Variants in GK observed in about 807,000 individuals in gnomAD.
GK encodes the protein glycerol kinase, also known as ATP:glycerol 3-phosphotransferase.
In GK, 9 loss-of-function variants were observed where a neutral mutation model predicts 56.4. The observed-to-expected ratio is 0.16, with a 90% CI of 0.10 to 0.28. The LOEUF (loss-of-function observed/expected upper bound fraction) is 0.28, where lower values mean the gene tolerates loss of function less well. Among genes scored for constraint, GK ranks in the 10% least tolerant of loss-of-function variants. The pLI is 1.00. For synonymous variants in GK, 104 were observed against 144.1 expected (o/e 0.72, Z 1.99); for missense variants, 161 against 431.4 (o/e 0.37, Z 5.55).
chrX:30,699,989 G>A (rs897147510), intron 9 of GK: 2 of 120,274 alleles, frequency 1.7e-5, no homozygotes, highest in African/African-American at 6.4e-5. Flanking sequence ...TTTCATACTG[G>A]TTTGATAGCT....
rs188715853 is a variant in GK at position 30,722,093 on chromosome X, G to A, written c.1501+1098G>A. 5.5e-3 allele frequency among the ~76,000 whole-genome samples: 607 copies of A among 111,265 alleles called. 27 individuals are homozygous for A. The East Asian group carries it at 0.14, about 25-fold the overall frequency. On this transcript the variant is annotated intron_variant, in intron 18 of 20. Transcript: ENST00000427190. The stretch of plus-strand genomic sequence containing the variant: ...CTAAAAAAACAAAAGGAAAAAAAAA[G>A]CATCAAAGTGGATTTTGAGGTATTG...
intron 9 of GK, among the ~76,000 whole-genome samples, chrX:30,698,866 C>CAAAA (rs386416832): frequency 2.1e-4 from 9 of 43,316 alleles, no homozygotes; most frequent in South Asian, 3.3e-3. Context: ...AACTCCATCT[C>CAAAA]AAAAAAAAAA....
rs1325650645 is a variant in GK at position 30,723,969 on chromosome X, C to A, written c.1502-132C>A. The A allele has an allele frequency of 2.7e-5, 14 of 510,043 alleles. No homozygotes were observed. In the South Asian group the frequency reaches 3.8e-4, roughly 14 times the overall value. The allele number at this position is 510,043 out of a possible 1,213,427, so 42.0% of individuals were successfully genotyped here. On this transcript the variant is annotated intron_variant, in intron 18 of 20. Transcript: ENST00000427190. Reference sequence around the variant, plus strand: ...CAACCATGTGCTTTCAAATCTGAGTCCTGCTAAAGCCCTACTGCAGTTTAA... The same window carrying A: ...CAACCATGTGCTTTCAAATCTGAGTACTGCTAAAGCCCTACTGCAGTTTAA...
At chrX:30,682,944 GTA>G (rs201098327) in intron 4 of GK, among the ~76,000 whole-genome samples, 1,758 of 110,747 alleles carry the variant, frequency 0.016, 29 homozygotes, top group African/African-American at 0.051. Flanking sequence ...TTTTATGAGG[GTA>G]CTGATCTCAA....
chrX:30,707,205 C>T (rs1476406448), intron 11 of GK, among the ~76,000 whole-genome samples: 2 of 110,143 alleles, frequency 1.8e-5, no homozygotes, highest in Non-Finnish European at 3.8e-5. Flanking sequence ...TGGCACATGC[C>T]TGTAGTCCCA....
intron 3 of GK, among the ~76,000 whole-genome samples, chrX:30,676,956 C>T (rs1238269610): frequency 8.9e-6 from 1 of 111,950 alleles, no homozygotes. Flanking sequence ...CACACACACA[C>T]ACACACAAAT....
intron 4 of GK, among the ~76,000 whole-genome samples, chrX:30,686,173 A>G (rs1317502941): frequency 1.8e-5 from 2 of 111,947 alleles, no homozygotes; most frequent in African/African-American, 6.5e-5. Context: ...TTCCTTCCCA[A>G]CTCTGTTTTA....
chrX:30,688,457 G>A (rs978585431), intron 4 of GK, among the ~76,000 whole-genome samples: 2 of 97,237 alleles, frequency 2.1e-5, no homozygotes, highest in African/African-American at 7.8e-5. Context: ...AGCCGCGATC[G>A]CATCACTGCA....
Position 30,653,454 on chromosome X carries a change from T to C in GK, c.-84T>C. The C allele has an allele frequency of 3.5e-6, 3 of 863,105 alleles. No homozygotes were observed. Among genetic ancestry groups the C allele is most frequent in the Non-Finnish European group, 5.2e-6 (3 of 578,503 alleles). 71.1% of individuals were successfully genotyped at this position (863,105 alleles called of 1,213,427 possible). A position where few individuals can be genotyped will look rare whatever the true frequency, so the allele number is the denominator to read the frequency against. On this transcript the variant is annotated 5_prime_UTR_variant, in exon 1 of 21. Coordinates refer to ENST00000427190, the MANE Select transcript of GK (RefSeq NM_001205019.2). ...AGCGGACGCGCGCGGCCTCGATCTCTGGACTCGTCACCTGCCCCTCCCCCT... is the reference window on the plus strand; with the variant it reads ...AGCGGACGCGCGCGGCCTCGATCTCCGGACTCGTCACCTGCCCCTCCCCCT...
chrX:30,694,687 C>T, intron 6 of GK, 150 bp downstream of exon 6: 1 of 485,566 alleles, frequency 2.1e-6, no homozygotes, highest in Non-Finnish European at 3.5e-6. Flanking sequence ...AAGTTTTCAG[C>T]TTCCATTCGA....
chrX:30,674,465 T>G (rs1223801324), intron 3 of GK: 1 of 305,800 alleles, frequency 3.3e-6, no homozygotes, highest in Non-Finnish European at 6.4e-6. Context: ...CCACTTGTGC[T>G]GGTAATCCAT....
At chrX:30,666,285 T>G (rs1043731230) in intron 2 of GK, among the ~76,000 whole-genome samples, 1 of 112,177 alleles carries the variant, frequency 8.9e-6, no homozygotes, top group Non-Finnish European at 1.9e-5. Context: ...GGAATGCCAT[T>G]TAGTAATTTT....
chrX:30,681,409 A>G (rs894294615), intron 4 of GK, among the ~76,000 whole-genome samples: 11 of 112,082 alleles, frequency 9.8e-5, no homozygotes, highest in Admixed American at 2.9e-4. Flanking sequence ...AAATATTTAG[A>G]CTGAAGCACA....
intron 4 of GK, among the ~76,000 whole-genome samples, chrX:30,679,801 TG>T (rs1569151595): frequency 1.8e-5 from 2 of 111,757 alleles, no homozygotes; most frequent in Non-Finnish European, 3.8e-5. Context: ...GATGTTATCT[TG>T]GGTACTATAA....
intron 19 of GK, among the ~76,000 whole-genome samples, chrX:30,725,842 C>CG (rs1193791735): frequency 1.8e-5 from 2 of 109,306 alleles, no homozygotes; most frequent in Admixed American, 9.8e-5. Context: ...TTAGTAGAGA[C>CG]GGGGGTTTCA....
Position 30,727,561 on chromosome X carries a change from C to T in GK, c.1669+9C>T, listed in dbSNP as rs770505853. 1.9e-6 allele frequency: 2 copies of T among 1,050,109 alleles called. No individual in the cohort carries two copies. Among genetic ancestry groups the T allele is most frequent in the South Asian group, 1.9e-5 (1 of 52,908 alleles). The allele number at this position is 1,050,109 out of a possible 1,213,427, so 86.5% of individuals were successfully genotyped here. ...AGCAAGGTACATCTCAGGTTAGTTA[C>T]TCTTTAAATTAGACAACTCTATTAG... On this transcript the variant is annotated intron_variant, in intron 20 of 20. Transcript: ENST00000427190.
intron 12 of GK, 115 bp downstream of exon 12, chrX:30,707,713 A>G: frequency 2.0e-6 from 1 of 492,617 alleles, no homozygotes; most frequent in Non-Finnish European, 3.5e-6. Flanking sequence ...AATCTTTATC[A>G]GGGTTTAATT....
At chrX:30,661,460 A>G (rs888289365) in intron 1 of GK, among the ~76,000 whole-genome samples, 1 of 110,654 alleles carries the variant, frequency 9.0e-6, no homozygotes, top group Admixed American at 9.7e-5. Flanking sequence ...CTGCAGACAC[A>G]TTGCAACTGC....
At chrX:30,695,780 C>T (rs1459841030) in intron 6 of GK, among the ~76,000 whole-genome samples, 1 of 112,079 alleles carries the variant, frequency 8.9e-6, no homozygotes, top group Non-Finnish European at 1.9e-5. Flanking sequence ...TTTATTTATC[C>T]ATCAAGTAAC....
Sources: gnomAD v4.1 joint callset for allele counts (sites outside exome capture counted in the v4.1 genomes callset) on GRCh38, gnomAD v4.1.1 for gene constraint, MANE v1.5 for transcripts, NCBI Gene and HGNC (gene_info 2026-07-23, HGNC 2026-07-21) for gene names.